The following LRRC4C variants were observed in gnomAD, a reference collection of about 807,000 sequenced individuals.
LRRC4C encodes leucine-rich repeat-containing protein 4C.
Under a neutral mutation model 33.6 loss-of-function variants are expected in LRRC4C, and 5 were observed. That is an observed-to-expected ratio of 0.15 (90% confidence interval 0.08 to 0.31). The LOEUF is 0.31. Among genes scored for constraint, LRRC4C ranks in the 10% least tolerant of loss-of-function variants. The pLI, the probability that LRRC4C is intolerant of heterozygous loss-of-function variation, is 1.00. For synonymous variants in LRRC4C, 329 were observed against 302.0 expected (o/e 1.09, Z -0.93); for missense variants, 560 against 796.7 (o/e 0.70, Z 3.58).
At chr11:40,542,076 T>C (rs1956739251) in intron 3 of LRRC4C, among the ~76,000 whole-genome samples, 1 of 141,450 alleles carries the variant, frequency 7.1e-6, no homozygotes, top group South Asian at 2.3e-4. Context: ...CTCTCTCTCT[T>C]TTCTTTCTCT....
intron 5 of LRRC4C, among the ~76,000 whole-genome samples, chr11:40,219,182 A>C (rs2135908771): frequency 6.6e-6 from 1 of 152,304 alleles, no homozygotes; most frequent in South Asian, 2.1e-4. Context: ...TTGAAACAAA[A>C]CAAAACTTAA....
chr11:40,513,501 A>T lies in LRRC4C; in HGVS notation c.-270+134641T>A, dbSNP rs1336677881. ...AGACTAGCAAAGCACAGTGCAGCTG[A>T]TAAGTACACAGGGCTGCAAGCTGGA... On this transcript the variant is annotated intron_variant, in intron 3 of 6. Transcript: ENST00000528697. Among the ~76,000 whole-genome samples, 3 of 152,252 alleles carry T rather than the reference A, an allele frequency of 2.0e-5. No homozygotes were observed. In the South Asian group the frequency reaches 6.2e-4, roughly 32 times the overall value.
At chr11:41,117,508 T>C (rs1397516699) in intron 1 of LRRC4C, among the ~76,000 whole-genome samples, 1 of 152,168 alleles carries the variant, frequency 6.6e-6, no homozygotes, top group Non-Finnish European at 1.5e-5. Flanking sequence ...TATGTATGTA[T>C]GTAAAAAGTG....
At chr11:41,281,920 G>T (rs746886037) in intron 1 of LRRC4C, among the ~76,000 whole-genome samples, 3 of 152,168 alleles carry the variant, frequency 2.0e-5, no homozygotes. Flanking sequence ...TGGTACCATG[G>T]AGCACAAAAA....
At chr11:40,508,020 G>A (rs908092574) in intron 3 of LRRC4C, among the ~76,000 whole-genome samples, 2 of 152,172 alleles carry the variant, frequency 1.3e-5, no homozygotes, top group South Asian at 2.1e-4. Context: ...GCCTCCCAAA[G>A]TTCTGGGATT....
In LRRC4C at chr11:40,122,721, T is replaced by G. The variant is rs1214432888; in HGVS notation, c.-42-6387A>C. ...ACAATACACAAGGTGTAATACTCAT[T>G]TAAAATGTGATTGAATCTCAAACAA... On this transcript the variant is annotated intron_variant, in intron 6 of 6. Coordinates refer to ENST00000528697, the MANE Select transcript of LRRC4C (RefSeq NM_001258419.2). 2.6e-5 allele frequency among the ~76,000 whole-genome samples: 4 copies of G among 151,730 alleles called. No individual in the cohort carries two copies. In the East Asian group the frequency reaches 7.7e-4, roughly 29 times the overall value.
intron 5 of LRRC4C, among the ~76,000 whole-genome samples, chr11:40,146,440 G>A (rs144241645): frequency 2.0e-5 from 3 of 152,230 alleles, no homozygotes; most frequent in East Asian, 1.9e-4. Context: ...AGTTATACCC[G>A]CTGAGGGGAT....
intron 1 of LRRC4C, among the ~76,000 whole-genome samples, chr11:41,347,030 C>G (rs780967415): frequency 2.0e-5 from 3 of 152,074 alleles, no homozygotes; most frequent in Admixed American, 6.5e-5. Flanking sequence ...CACAGGAAAA[C>G]TAAAAGAGGT....
chr11:41,355,437 A>G (rs1345298789), intron 1 of LRRC4C, among the ~76,000 whole-genome samples: 1 of 152,088 alleles, frequency 6.6e-6, no homozygotes, highest in East Asian at 1.9e-4. Flanking sequence ...GTAGTTTCCC[A>G]CCTATACAAT....
intron 1 of LRRC4C, among the ~76,000 whole-genome samples, chr11:41,291,704 A>G (rs1176511431): frequency 2.6e-5 from 4 of 152,188 alleles, no homozygotes; most frequent in African/African-American, 9.6e-5. Context: ...TTCTAGATAC[A>G]TAGAAAGAGG....
At chr11:40,671,791 A>C (rs1224258833) in intron 2 of LRRC4C, among the ~76,000 whole-genome samples, 1 of 151,652 alleles carries the variant, frequency 6.6e-6, no homozygotes, top group Non-Finnish European at 1.5e-5. Context: ...CCTCTTTATA[A>C]TTACTCTGTT....
intron 2 of LRRC4C, among the ~76,000 whole-genome samples, chr11:40,927,148 G>T (rs1388590546): frequency 2.0e-5 from 3 of 152,134 alleles, no homozygotes; most frequent in African/African-American, 7.2e-5. Flanking sequence ...GGCTGAGGCG[G>T]GTGGACCATG....
chr11:40,697,181 T>A (rs1945608258), intron 2 of LRRC4C, among the ~76,000 whole-genome samples: 1 of 152,064 alleles, frequency 6.6e-6, no homozygotes, highest in Non-Finnish European at 1.5e-5. Context: ...GTTCATGGGG[T>A]CCTTCGTTCC....
chr11:40,906,592 C>T (rs1418267681), intron 2 of LRRC4C, among the ~76,000 whole-genome samples: 1 of 152,150 alleles, frequency 6.6e-6, no homozygotes, highest in Non-Finnish European at 1.5e-5. Context: ...TTTATATACA[C>T]TGGGAAACCG....
At chr11:40,186,980 C>T (rs1390355417) in intron 5 of LRRC4C, among the ~76,000 whole-genome samples, 1 of 152,170 alleles carries the variant, frequency 6.6e-6, no homozygotes, top group African/African-American at 2.4e-5. Context: ...TGGGGGATGG[C>T]AGCAACTGCT....
At chr11:41,403,882 C>T (rs548110757) in intron 1 of LRRC4C, among the ~76,000 whole-genome samples, 2 of 152,024 alleles carry the variant, frequency 1.3e-5, no homozygotes, top group Non-Finnish European at 1.5e-5. Flanking sequence ...TCTGTTCCTA[C>T]AGTGGAACTT....
intron 3 of LRRC4C, among the ~76,000 whole-genome samples, chr11:40,522,429 G>A (rs912342140): frequency 1.3e-5 from 2 of 152,134 alleles, no homozygotes; most frequent in Admixed American, 6.6e-5. Context: ...ATTCCCAAGT[G>A]TTGTGTGAGG....
At chr11:41,174,649 G>A (rs930896450) in intron 1 of LRRC4C, among the ~76,000 whole-genome samples, 1 of 151,964 alleles carries the variant, frequency 6.6e-6, no homozygotes, top group Non-Finnish European at 1.5e-5. Flanking sequence ...CCTGGGACAT[G>A]CTCAACTGCA....
chr11:40,173,204 A>T (rs1860191477), intron 5 of LRRC4C, among the ~76,000 whole-genome samples: 1 of 152,156 alleles, frequency 6.6e-6, no homozygotes, highest in South Asian at 2.1e-4. Flanking sequence ...GTTTAAACTC[A>T]CCTAGTTTGT....
Sources: gnomAD v4.1 joint callset for allele counts (sites outside exome capture counted in the v4.1 genomes callset) on GRCh38, gnomAD v4.1.1 for gene constraint, MANE v1.5 for transcripts, NCBI Gene and HGNC (gene_info 2026-07-23, HGNC 2026-07-21) for gene names.